The following TRAPPC12 variants were observed in gnomAD, a reference collection of about 807,000 sequenced individuals.
TRAPPC12 encodes TPR repeat protein 15.
A neutral mutation model predicts 69.2 loss-of-function variants in TRAPPC12; 61 were observed. The observed-to-expected ratio is 0.88, with a 90% CI of 0.72 to 1.09. The LOEUF (loss-of-function observed/expected upper bound fraction) is 1.09, where lower values mean the gene tolerates loss of function less well. TRAPPC12 is among the 50% of genes least tolerant of loss of function. The pLI, the probability that TRAPPC12 is intolerant of heterozygous loss-of-function variation, is 0.00. For missense variants in TRAPPC12, 1,101 were observed against 1,016.4 expected, an observed-to-expected ratio of 1.08 and a Z score of -1.13; for synonymous variants, 469 against 438.9, an observed-to-expected ratio of 1.07 and a Z score of -0.86.
In TRAPPC12 at chr2:3,461,773, G is replaced by A. The variant is rs1218673268; in HGVS notation, c.1677+1437G>A. Among the ~76,000 whole-genome samples, 4 of 134,016 alleles carry A rather than the reference G, an allele frequency of 3.0e-5. No homozygotes were observed. In the East Asian group the frequency reaches 1.0e-3, roughly 35 times the overall value. The allele number at this position is 134,016 out of a possible 152,430, so 87.9% of individuals were successfully genotyped here. A position where few individuals can be genotyped will look rare whatever the true frequency, so the allele number is the denominator to read the frequency against. On this transcript the variant is annotated intron_variant, in intron 8 of 11. Transcript: ENST00000324266. The stretch of plus-strand genomic sequence containing the variant: ...CCAGCCCCCTCTGGCTTCTGCAGCA[G>A]GGCTTGCCCACCTCTGAGTGGGAGT...
intron 8 of TRAPPC12, among the ~76,000 whole-genome samples, chr2:3,461,979 G>A (rs773236427): frequency 5.3e-5 from 8 of 152,258 alleles, no homozygotes; most frequent in Non-Finnish European, 1.0e-4. Context: ...GCGGTCCGCA[G>A]TAGGCCTCCA....
At position 3,468,306 on chromosome 2, in the gene TRAPPC12, G is replaced by A. The variant is rs767299727; in HGVS notation, c.1776+2611G>A. ...CTTCCCTCTTCCCCAAGGCATCTAC[G>A]GGGGATAAAAGCACAGGGCTCAGGA... On this transcript the variant is annotated intron_variant, in intron 9 of 11. Coordinates refer to ENST00000324266, the MANE Select transcript of TRAPPC12 (RefSeq NM_016030.6). 4.6e-5 allele frequency among the ~76,000 whole-genome samples: 7 copies of A among 152,002 alleles called. No individual in the cohort carries two copies. In the South Asian group the frequency reaches 6.2e-4, roughly 14 times the overall value.
intron 3 of TRAPPC12, among the ~76,000 whole-genome samples, chr2:3,405,937 A>G (rs969892663): frequency 6.6e-6 from 1 of 152,142 alleles, no homozygotes; most frequent in African/African-American, 2.4e-5. Context: ...CCCATAGGGA[A>G]GCTGCTTGTA....
chr2:3,434,587 T>C (rs1220421913), intron 5 of TRAPPC12, among the ~76,000 whole-genome samples: 1 of 152,200 alleles, frequency 6.6e-6, no homozygotes, highest in Non-Finnish European at 1.5e-5. Context: ...CCTGGCCGGC[T>C]TGGGTCACCG....
intron 5 of TRAPPC12, among the ~76,000 whole-genome samples, chr2:3,429,541 G>A (rs535723215): frequency 5.9e-5 from 9 of 152,254 alleles, no homozygotes; most frequent in Non-Finnish European, 8.8e-5. Context: ...TTCCCTATCC[G>A]TGAATTCTTC....
chr2:3,464,496 A>G (rs1265930043), intron 8 of TRAPPC12, among the ~76,000 whole-genome samples: 1 of 151,734 alleles, frequency 6.6e-6, no homozygotes, highest in Non-Finnish European at 1.5e-5. Context: ...AGAAGAATAA[A>G]GAAATAAAAG....
chr2:3,381,622 A>T (rs1304327602), intron 1 of TRAPPC12, among the ~76,000 whole-genome samples: 1 of 152,226 alleles, frequency 6.6e-6, no homozygotes, highest in Admixed American at 6.5e-5. Context: ...ACAAATCAAG[A>T]ACAGATACTT....
intron 3 of TRAPPC12, among the ~76,000 whole-genome samples, chr2:3,409,749 TTAA>T (rs1558358594): frequency 0.2 from 17,799 of 88,372 alleles, 1,718 homozygotes; most frequent in Non-Finnish European, 0.26. Context: ...GACTTTGTCT[TTAA>T]AAAAAAAAAA....
intron 11 of TRAPPC12, 129 bp from the exon 12 acceptor site, chr2:3,479,090 G>A: frequency 6.6e-7 from 1 of 1,520,644 alleles, no homozygotes; most frequent in South Asian, 1.3e-5. Flanking sequence ...ACCCAACAGG[G>A]CCACCTAGGC....
chr2:3,438,506 CTGG>C (rs1664006465), intron 5 of TRAPPC12, among the ~76,000 whole-genome samples: 1 of 142,196 alleles, frequency 7.0e-6, no homozygotes, highest in African/African-American at 2.6e-5. Context: ...CCCGCCACCC[CTGG>C]ATCAATCCCC....
intron 1 of TRAPPC12, among the ~76,000 whole-genome samples, chr2:3,383,036 G>A (rs185728642): frequency 2.6e-5 from 4 of 152,284 alleles, no homozygotes; most frequent in African/African-American, 7.2e-5. Flanking sequence ...AAGATAATGT[G>A]CTTTTTAAAC....
intron 5 of TRAPPC12, among the ~76,000 whole-genome samples, chr2:3,438,308 C>T (rs1572161375): frequency 8.2e-6 from 1 of 121,322 alleles, no homozygotes; most frequent in South Asian, 3.1e-4. Context: ...ACCCCCATCA[C>T]CCCTGGATTA....
rs572558823 is a variant in TRAPPC12, at chr2:3,387,670, C to T, written c.47C>T (p.Pro16Leu). The change falls in exon 2 of 12, where the codon CCG becomes CTG. Residue 16 changes from proline to leucine, a missense_variant. Coordinates refer to ENST00000324266, the MANE Select transcript of TRAPPC12 (RefSeq NM_016030.6). ...GAGGAGACCCCGGCCCCGGAGGCCC[C>T]GCACCCCCCTCAGCTCGCGCCTCCG... ...GGEETPAPEA[P>L]HPPQLAPPEE... 4.1e-5 allele frequency: 64 copies of T among 1,553,732 alleles called. No individual in the cohort carries two copies. The South Asian group carries it at 5.2e-4, about 13-fold the overall frequency.
intron 4 of TRAPPC12, among the ~76,000 whole-genome samples, chr2:3,424,174 T>C (rs1662969714): frequency 6.6e-6 from 1 of 152,244 alleles, no homozygotes; most frequent in South Asian, 2.1e-4. Flanking sequence ...TGTTTACTTA[T>C]TGAGTAAACA....
At chr2:3,415,968 A>T (rs554996289) in intron 3 of TRAPPC12, among the ~76,000 whole-genome samples, 5 of 152,052 alleles carry the variant, frequency 3.3e-5, no homozygotes, top group Admixed American at 6.5e-5. Context: ...CGCCCCCCTC[A>T]GCCTCCCAAA....
At chr2:3,393,209 A>G (rs1435934771) in intron 2 of TRAPPC12, among the ~76,000 whole-genome samples, 1 of 152,208 alleles carries the variant, frequency 6.6e-6, no homozygotes, top group African/African-American at 2.4e-5. Context: ...TTGTGACTAT[A>G]TGCATGCACC....
In TRAPPC12 at chr2:3,461,992, T is replaced by C. The variant is rs116543121; in HGVS notation, c.1677+1656T>C. ...GGGCGGTCCGCAGTAGGCCTCCACCTGCTGAGGGCATTGTCAGCGTCACCT... is the reference window on the plus strand; with the variant it reads ...GGGCGGTCCGCAGTAGGCCTCCACCCGCTGAGGGCATTGTCAGCGTCACCT... On this transcript the variant is annotated intron_variant, in intron 8 of 11. Transcript: ENST00000324266. Among the ~76,000 whole-genome samples the C allele has an allele frequency of 8.1e-3, 1,237 of 152,360 alleles. 12 individuals are homozygous for C. Among genetic ancestry groups the C allele is most frequent in the African/African-American group, 0.027 (1,110 of 41,586 alleles).
chr2:3,418,052 AAAAAAAAC>A (rs1349840893), intron 3 of TRAPPC12, among the ~76,000 whole-genome samples: 4 of 129,224 alleles, frequency 3.1e-5, no homozygotes, highest in African/African-American at 1.1e-4. Context: ...AAAAAAAAAA[AAAAAAAAC>A]ATTGTCATAG....
chr2:3,431,397 C>T (rs991878351), intron 5 of TRAPPC12, among the ~76,000 whole-genome samples: 1 of 152,206 alleles, frequency 6.6e-6, no homozygotes, highest in African/African-American at 2.4e-5. Flanking sequence ...GCGGCAGGGT[C>T]GCCGTCGCCA....
Sources: gnomAD v4.1 joint callset for allele counts (sites outside exome capture counted in the v4.1 genomes callset) on GRCh38, gnomAD v4.1.1 for gene constraint, MANE v1.5 for transcripts, NCBI Gene and HGNC (gene_info 2026-07-23, HGNC 2026-07-21) for gene names.